The following WDR72 variants were observed in gnomAD, a reference collection of about 807,000 sequenced individuals.
WDR72 encodes WD repeat-containing protein 72.
In WDR72, 120 loss-of-function variants were observed where a neutral mutation model predicts 124.2. The ratio of observed to expected loss-of-function variants is 0.97; its 90% CI spans 0.83 to 1.12. WDR72 has a LOEUF of 1.12. Among genes scored for constraint, WDR72 ranks in the 50% most tolerant of loss-of-function variants. The pLI is 0.00. For missense variants in WDR72, 1,387 were observed against 1,278.8 expected (o/e 1.08, Z -1.29); for synonymous variants, 452 against 441.7 (o/e 1.02, Z -0.29).
At chr15:53,574,065 T>C (rs866842087) in intron 18 of WDR72, among the ~76,000 whole-genome samples, 7 of 152,218 alleles carry the variant, frequency 4.6e-5, no homozygotes, top group African/African-American at 1.4e-4. Flanking sequence ...CCATTTCTGC[T>C]GTCTTTAACT....
intron 13 of WDR72, among the ~76,000 whole-genome samples, chr15:53,675,341 C>CAA (rs58306742): frequency 5.5e-5 from 7 of 126,468 alleles, no homozygotes; most frequent in Non-Finnish European, 1.1e-4. Context: ...GACTCTGTCT[C>CAA]AAAAAAAAAA....
chr15:53,598,829 TA>T (rs1267884850), intron 17 of WDR72, among the ~76,000 whole-genome samples: 1 of 152,200 alleles, frequency 6.6e-6, no homozygotes, highest in Non-Finnish European at 1.5e-5. Flanking sequence ...ATGAGATATT[TA>T]ACATCAGAGT....
intron 14 of WDR72, among the ~76,000 whole-genome samples, chr15:53,616,838 T>C (rs984553810): frequency 6.6e-6 from 1 of 152,024 alleles, no homozygotes; most frequent in South Asian, 2.1e-4. Context: ...TTGAATACTC[T>C]ATTCCCTCAT....
upstream of WDR72, among the ~76,000 whole-genome samples, chr15:53,760,531 A>T (rs2019042152): frequency 6.6e-6 from 1 of 152,172 alleles, no homozygotes; most frequent in African/African-American, 2.4e-5. Context: ...ATATGGCTGA[A>T]TAGTACTCCA....
chr15:53,622,118 G>A (rs568020222), intron 14 of WDR72, among the ~76,000 whole-genome samples: 16 of 152,038 alleles, frequency 1.1e-4, no homozygotes, highest in Non-Finnish European at 2.1e-4. Context: ...AAAAAGTCAA[G>A]AAACAACAGA....
At chr15:53,692,043 T>C (rs1431777445) in intron 13 of WDR72, among the ~76,000 whole-genome samples, 2 of 152,156 alleles carry the variant, frequency 1.3e-5, no homozygotes, top group Non-Finnish European at 2.9e-5. Flanking sequence ...CTCAAGATGT[T>C]TTCAGATTAG....
At chr15:53,732,504 G>A (rs28393519) in intron 2 of WDR72, among the ~76,000 whole-genome samples, 1 of 152,140 alleles carries the variant, frequency 6.6e-6, no homozygotes. Context: ...TAGTAAATTG[G>A]ATTTAGAGCA....
intron 14 of WDR72, among the ~76,000 whole-genome samples, chr15:53,636,924 T>G (rs919794788): frequency 2.6e-5 from 4 of 152,168 alleles, no homozygotes; most frequent in Admixed American, 2.6e-4. Context: ...ATTAAATGAT[T>G]TTTAGTGCAT....
intron 13 of WDR72, among the ~76,000 whole-genome samples, chr15:53,675,206 G>A (rs1163945575): frequency 6.6e-6 from 1 of 152,180 alleles, no homozygotes; most frequent in African/African-American, 2.4e-5. Context: ...AGCCGGGCAT[G>A]GTGGCACATG....
chr15:53,666,393 T>A (rs960772720), intron 13 of WDR72, among the ~76,000 whole-genome samples: 3 of 152,168 alleles, frequency 2.0e-5, no homozygotes, highest in Non-Finnish European at 4.4e-5. Flanking sequence ...TTAGGAGTGC[T>A]GTCAAGTTCA....
chr15:53,635,184 A>G (rs1474107232), intron 14 of WDR72, among the ~76,000 whole-genome samples: 11 of 152,228 alleles, frequency 7.2e-5, no homozygotes, highest in Non-Finnish European at 2.9e-5. Flanking sequence ...AGTAGGCCTC[A>G]TTCAAAGAGA....
At chr15:53,727,285 G>C (rs1451335072) in intron 2 of WDR72, among the ~76,000 whole-genome samples, 2 of 151,332 alleles carry the variant, frequency 1.3e-5, no homozygotes, top group African/African-American at 2.4e-5. Context: ...TGTCTTGTGG[G>C]TAATAAAAAT....
chr15:53,623,108 C>T (rs560741247), intron 14 of WDR72, among the ~76,000 whole-genome samples: 2 of 151,990 alleles, frequency 1.3e-5, no homozygotes, highest in South Asian at 2.1e-4. Context: ...GTATACTATA[C>T]GGGTTTTGAT....
chr15:53,656,402 AATAAAG>A lies in WDR72; in HGVS notation c.1962+9164_1962+9169del, dbSNP rs1287504148. Among the ~76,000 whole-genome samples, 51 of 152,340 alleles carry A rather than the reference AATAAAG, an allele frequency of 3.3e-4. No homozygotes were observed. In the East Asian group the frequency reaches 9.7e-3, roughly 29 times the overall value. On this transcript the variant is annotated intron_variant, in intron 14 of 19. Transcript: ENST00000360509. ...TAAGTTCATGCTCTTAGTTCCAATA[AATAAAG>A]ATAAAGTCTTAATACATTTTGTTTT...
intron 16 of WDR72, among the ~76,000 whole-genome samples, chr15:53,610,369 G>A (rs901155691): frequency 6.6e-6 from 1 of 151,846 alleles, no homozygotes; most frequent in Non-Finnish European, 1.5e-5. Flanking sequence ...GCTTTCTGAT[G>A]GCTACAGTCT....
chr15:53,609,479 TC>T, intron 17 of WDR72, 33 bp downstream of exon 17: 1 of 1,579,892 alleles, frequency 6.3e-7, no homozygotes. Flanking sequence ...AAGGAACTCT[TC>T]TAATAACGTC....
At chr15:53,607,864 C>T (rs957704610) in intron 17 of WDR72, among the ~76,000 whole-genome samples, 2 of 152,100 alleles carry the variant, frequency 1.3e-5, no homozygotes, top group African/African-American at 4.8e-5. Context: ...ATAGACATTT[C>T]TCAAAAGAAG....
At chr15:53,637,992 T>C (rs1393030030) in intron 14 of WDR72, among the ~76,000 whole-genome samples, 1 of 152,168 alleles carries the variant, frequency 6.6e-6, no homozygotes, top group Non-Finnish European at 1.5e-5. Context: ...CAATTAGTAG[T>C]ACTCAAGAAA....
intron 13 of WDR72, among the ~76,000 whole-genome samples, chr15:53,668,352 T>A (rs1240681459): frequency 6.6e-6 from 1 of 152,208 alleles, no homozygotes; most frequent in African/African-American, 2.4e-5. Flanking sequence ...ATAAACTACA[T>A]GTTCAAAGCA....
Sources: allele counts gnomAD v4.1 joint callset (sites outside exome capture counted in the v4.1 genomes callset), GRCh38; gene constraint gnomAD v4.1.1; transcripts MANE v1.5; gene names NCBI Gene and HGNC (gene_info 2026-07-23, HGNC 2026-07-21).